COX7B2: variants seen among roughly 807,000 people sequenced by gnomAD.
The protein encoded by COX7B2 is cytochrome c oxidase subunit 7B2, mitochondrial.
For synonymous variants in COX7B2, 37 were observed against 32.1 expected (o/e 1.15, Z -0.51); for missense variants, 109 against 95.9 (o/e 1.14, Z -0.57).
intron 1 of COX7B2, among the ~76,000 whole-genome samples, chr4:46,858,971 T>C (rs1187356176): frequency 6.6e-6 from 1 of 152,216 alleles, no homozygotes; most frequent in Admixed American, 6.5e-5. Flanking sequence ...CTCTCACTGT[T>C]CATCTTATAT....
At chr4:46,879,936 C>A (rs1407017999) in intron 1 of COX7B2, among the ~76,000 whole-genome samples, 2 of 152,146 alleles carry the variant, frequency 1.3e-5, no homozygotes, top group African/African-American at 2.4e-5. Flanking sequence ...GATACAATTA[C>A]ATGAGTATAT....
At chr4:46,799,067 C>G (rs1454547928) in intron 2 of COX7B2, among the ~76,000 whole-genome samples, 1 of 152,138 alleles carries the variant, frequency 6.6e-6, no homozygotes, top group Non-Finnish European at 1.5e-5. Flanking sequence ...CAAACTTCAC[C>G]TTCAGAAGCT....
rs557079598 is a variant in COX7B2 at position 46,840,380 on chromosome 4, T to C, written c.-50+4580A>G. ...TATTTGTTTTTGTCTGCAACAATAA[T>C]AGGATTCAGCAGGTAGGAAAGAGAG... is the stretch of plus-strand genomic sequence containing the variant. On this transcript the variant is annotated intron_variant, in intron 2 of 2. Transcript: ENST00000355591. Among the ~76,000 whole-genome samples the C allele has an allele frequency of 6.6e-5, 10 of 152,082 alleles. No homozygotes were observed. The South Asian group carries it at 1.7e-3, about 25-fold the overall frequency.
At chr4:46,803,600 T>C (rs1577723128) in intron 2 of COX7B2, among the ~76,000 whole-genome samples, 1 of 152,168 alleles carries the variant, frequency 6.6e-6, no homozygotes, top group Non-Finnish European at 1.5e-5. Context: ...TCCAAAAGTG[T>C]TTAGCATATA....
In COX7B2 at chr4:46,844,977, C is replaced by T. The variant is rs1203294492; in HGVS notation, c.-67G>A. ...CTCGTTACCTGTTAGAAATCTGAAGCTCAAATGCTCTCCTCAGAAAGTTTC... is the reference window on the plus strand; with the variant it reads ...CTCGTTACCTGTTAGAAATCTGAAGTTCAAATGCTCTCCTCAGAAAGTTTC... On this transcript the variant is annotated 5_prime_UTR_variant, in exon 2 of 3. Transcript: ENST00000355591. 1 of 151,882 alleles carries T rather than the reference C, an allele frequency of 6.6e-6. No individual in the cohort carries two copies. Among genetic ancestry groups the T allele is most frequent in the East Asian group, 1.9e-4 (1 of 5,160 alleles). 9.4% of individuals were successfully genotyped at this position (151,882 alleles called of 1,614,324 possible).
At chr4:46,835,049 A>G (rs1715414290) in intron 2 of COX7B2, among the ~76,000 whole-genome samples, 1 of 152,180 alleles carries the variant, frequency 6.6e-6, no homozygotes, top group Non-Finnish European at 1.5e-5. Context: ...TAATAAGAGA[A>G]ATAAAAGTTA....
intron 2 of COX7B2, among the ~76,000 whole-genome samples, chr4:46,812,359 T>G (rs1426477628): frequency 1.0e-5 from 1 of 97,686 alleles, no homozygotes; most frequent in Non-Finnish European, 2.0e-5. Flanking sequence ...AGCATGGATC[T>G]GAATAAAAAT....
chr4:46,748,383 A>G (rs1577655750), intron 2 of COX7B2, among the ~76,000 whole-genome samples: 1 of 152,200 alleles, frequency 6.6e-6, no homozygotes, highest in Non-Finnish European at 1.5e-5. Context: ...ACAAAAAAAT[A>G]CTTTAGGCTA....
At chr4:46,824,398 C>T (rs1714528437) in intron 2 of COX7B2, among the ~76,000 whole-genome samples, 1 of 152,086 alleles carries the variant, frequency 6.6e-6, no homozygotes, top group African/African-American at 2.4e-5. Flanking sequence ...GTGAGGTATA[C>T]ATCGCTGGCC....
At chr4:46,804,998 G>A (rs1282811809) in intron 2 of COX7B2, among the ~76,000 whole-genome samples, 1 of 152,186 alleles carries the variant, frequency 6.6e-6, no homozygotes, top group Non-Finnish European at 1.5e-5. Context: ...GGCAGCTAAG[G>A]CCCGGCAAGA....
In COX7B2 at chr4:46,775,809, G is replaced by A. The variant is rs756879484; in HGVS notation, c.-49-40568C>T. 1.3e-4 allele frequency among the ~76,000 whole-genome samples: 20 copies of A among 152,168 alleles called. No individual in the cohort carries two copies. In the South Asian group the frequency reaches 1.9e-3, roughly 14 times the overall value. ...TATAAATAATAAAGCTTATCGTATC[G>A]TATAAAGAAAGAGACTTTCTTATGA... is the stretch of plus-strand genomic sequence containing the variant. On this transcript the variant is annotated intron_variant, in intron 2 of 2. Transcript: ENST00000355591.
chr4:46,843,327 A>T, intron 2 of COX7B2, among the ~76,000 whole-genome samples: 1 of 152,194 alleles, frequency 6.6e-6, no homozygotes, highest in East Asian at 1.9e-4. Context: ...GCATATAATA[A>T]GTTTTAAGCA....
intron 1 of COX7B2, among the ~76,000 whole-genome samples, chr4:46,867,633 G>T (rs752107476): frequency 6.6e-6 from 1 of 152,186 alleles, no homozygotes; most frequent in African/African-American, 2.4e-5. Context: ...CTATGGGTTG[G>T]CATTCCTCCA....
chr4:46,905,752 G>A (rs116180709), intron 1 of COX7B2, among the ~76,000 whole-genome samples: 1,635 of 149,948 alleles, frequency 0.011, 25 homozygotes, highest in African/African-American at 0.038. Context: ...CCACTTTGGT[G>A]CAGCTAAAGG....
intron 2 of COX7B2, among the ~76,000 whole-genome samples, chr4:46,758,876 T>C (rs1246927418): frequency 6.6e-6 from 1 of 152,146 alleles, no homozygotes; most frequent in Non-Finnish European, 1.5e-5. Context: ...AACAGCTATA[T>C]CTTCAGGCAA....
chr4:46,898,448 T>C (rs2109888741), intron 1 of COX7B2, among the ~76,000 whole-genome samples: 1 of 152,230 alleles, frequency 6.6e-6, no homozygotes, highest in Middle Eastern at 3.4e-3. Context: ...GACAGGGTCT[T>C]GCTCTGTCAC....
chr4:46,765,132 A>G (rs1018664025), intron 2 of COX7B2, among the ~76,000 whole-genome samples: 1 of 152,060 alleles, frequency 6.6e-6, no homozygotes, highest in Non-Finnish European at 1.5e-5. Flanking sequence ...ACAGAAATCA[A>G]TTTGAACAAT....
intron 2 of COX7B2, among the ~76,000 whole-genome samples, chr4:46,803,792 A>C (rs1268333473): frequency 6.6e-6 from 1 of 150,504 alleles, no homozygotes; most frequent in African/African-American, 2.4e-5. Flanking sequence ...AAGACAGACA[A>C]GTATTTAATG....
intron 2 of COX7B2, among the ~76,000 whole-genome samples, chr4:46,796,278 C>G (rs1237400272): frequency 6.9e-6 from 1 of 145,358 alleles, no homozygotes; most frequent in African/African-American, 2.6e-5. Context: ...TGTCTTGTGC[C>G]GGTTTTCAAA....
Sources: allele counts gnomAD v4.1 joint callset (sites outside exome capture counted in the v4.1 genomes callset), GRCh38; gene constraint gnomAD v4.1.1; transcripts MANE v1.5; gene names NCBI Gene and HGNC (gene_info 2026-07-23, HGNC 2026-07-21).